CNGB3: variants seen among roughly 807,000 people sequenced by gnomAD.
The protein encoded by CNGB3 is cyclic nucleotide-gated channel beta-3.
A neutral mutation model predicts 92.8 loss-of-function variants in CNGB3; 86 were observed. The observed-to-expected ratio is 0.93, with a 90% CI of 0.78 to 1.11. CNGB3 has a LOEUF of 1.11. Ranked by LOEUF, CNGB3 falls within the 50% of genes least tolerant of loss-of-function variation. The pLI is 0.00. For synonymous variants in CNGB3, 333 were observed against 332.7 expected (o/e 1.00, Z -0.01); for missense variants, 1,026 against 956.8 (o/e 1.07, Z -0.95).
At chr8:86,690,185 T>A (rs1397294566) in intron 3 of CNGB3, among the ~76,000 whole-genome samples, 1 of 152,220 alleles carries the variant, frequency 6.6e-6, no homozygotes, top group African/African-American at 2.4e-5. Flanking sequence ...ACCAACAGTG[T>A]GAAAGTGTTC....
At chr8:86,674,769 G>A (rs1339957740) in intron 3 of CNGB3, among the ~76,000 whole-genome samples, 1 of 152,098 alleles carries the variant, frequency 6.6e-6, no homozygotes, top group African/African-American at 2.4e-5. Flanking sequence ...GTGTGTGTGT[G>A]TGAGATAGGG....
intron 3 of CNGB3, among the ~76,000 whole-genome samples, chr8:86,703,104 A>T (rs1240904859): frequency 6.6e-6 from 1 of 152,180 alleles, no homozygotes; most frequent in Non-Finnish European, 1.5e-5. Context: ...TTTTAAAAAT[A>T]ATCTGTTATT....
intron 2 of CNGB3, among the ~76,000 whole-genome samples, chr8:86,733,615 G>T (rs1355542988): frequency 6.6e-6 from 1 of 152,146 alleles, no homozygotes; most frequent in African/African-American, 2.4e-5. Flanking sequence ...AAGTTACAGG[G>T]AGTGGACTAC....
At chr8:86,695,008 T>C (rs191784881) in intron 3 of CNGB3, among the ~76,000 whole-genome samples, 111 of 152,246 alleles carry the variant, frequency 7.3e-4, no homozygotes, top group African/African-American at 2.6e-3. Context: ...CTGGGCATCA[T>C]TGAGCACTGA....
At chr8:86,599,903 T>C (rs1585960961) in intron 15 of CNGB3, among the ~76,000 whole-genome samples, 1 of 152,204 alleles carries the variant, frequency 6.6e-6, no homozygotes, top group East Asian at 1.9e-4. Flanking sequence ...GCATGTGATC[T>C]CTGTGACCCA....
chr8:86,629,006 A>G lies in CNGB3; in HGVS notation c.1393T>C (p.Tyr465His). ...FRACMDDTIA[Y>H]MNNYSIPKLV... The stretch of plus-strand genomic sequence containing the variant: ...TTAGGAATGGAGTAATTGTTCATGT[A>G]GGCAATGGTGTCATCCATGCAGGCG... The change falls in exon 12 of 18, where the codon TAC becomes CAC. Residue 465 changes from tyrosine (Y) to histidine (H), a missense_variant. Coordinates refer to ENST00000320005, the MANE Select transcript of CNGB3 (RefSeq NM_019098.5). The G allele has an allele frequency of 6.2e-7, 1 of 1,614,058 alleles. No individual in the cohort carries two copies. The highest frequency in any genetic ancestry group is 2.2e-5 in the East Asian group (1 of 44,868).
At position 86,645,208 on chromosome 8, in the gene CNGB3, A is replaced by G. The variant is rs147002283; in HGVS notation, c.991-522T>C. Among the ~76,000 whole-genome samples the G allele has an allele frequency of 5.6e-3, 847 of 151,452 alleles. 3 individuals carry two copies. The highest frequency in any genetic ancestry group is 0.014 in the Middle Eastern group (4 of 294). On this transcript the variant is annotated intron_variant, in intron 8 of 17. Transcript: ENST00000320005. ...CGTTCTTGACATTATTCAAAGATAC[A>G]AAGAGTTTATGTGCATCTGATACAA...
At position 86,619,881 on chromosome 8, in the gene CNGB3, C is replaced by CT. The variant is rs370835639; in HGVS notation, c.1578+6101dup. Among the ~76,000 whole-genome samples, 423 of 151,744 alleles carry CT rather than the reference C, an allele frequency of 2.8e-3. 2 individuals carry two copies. Among genetic ancestry groups the CT allele is most frequent in the African/African-American group, 9.8e-3 (407 of 41,360 alleles). On this transcript the variant is annotated intron_variant, in intron 13 of 17. Coordinates refer to ENST00000320005, the MANE Select transcript of CNGB3 (RefSeq NM_019098.5). The stretch of plus-strand genomic sequence containing the variant: ...CCTGAGTAGTAGGGACTACAGGCAC[C>CT]TGGCTAAATTTTCTATTATTTGTAA...
At chr8:86,644,206 G>T (rs1199361012) in intron 9 of CNGB3, among the ~76,000 whole-genome samples, 1 of 151,296 alleles carries the variant, frequency 6.6e-6, no homozygotes, top group Non-Finnish European at 1.5e-5. Flanking sequence ...AATTTAACTG[G>T]ATATCTCTGA....
intron 14 of CNGB3, among the ~76,000 whole-genome samples, chr8:86,609,841 AT>A (rs141374465): frequency 0.13 from 19,650 of 149,014 alleles, 1,761 homozygotes; most frequent in Non-Finnish European, 0.19. Flanking sequence ...TCCTGTCCAC[AT>A]TTTTTTTTTA....
At position 86,608,817 on chromosome 8, in the gene CNGB3, G is replaced by A. The variant is rs534575707; in HGVS notation, c.1662+2771C>T. Reference sequence around the variant, plus strand: ...CCACGTGACCTTACCTATCATTGGAGATGACTCACACTCTTTACCCTGCCC... The same window carrying A: ...CCACGTGACCTTACCTATCATTGGAAATGACTCACACTCTTTACCCTGCCC... On this transcript the variant is annotated intron_variant, in intron 14 of 17. Coordinates refer to ENST00000320005, the MANE Select transcript of CNGB3 (RefSeq NM_019098.5). 5.3e-5 allele frequency among the ~76,000 whole-genome samples: 8 copies of A among 152,262 alleles called. No homozygotes were observed. The East Asian group carries it at 1.5e-3, about 29-fold the overall frequency.
intron 10 of CNGB3, among the ~76,000 whole-genome samples, chr8:86,642,368 A>C: frequency 6.6e-6 from 1 of 151,790 alleles, no homozygotes; most frequent in East Asian, 1.9e-4. Context: ...TTCACATTCT[A>C]AAGGGAATTA....
chr8:86,643,022 C>T (rs911489771), intron 10 of CNGB3, among the ~76,000 whole-genome samples: 1 of 151,316 alleles, frequency 6.6e-6, no homozygotes. Context: ...CCTTACTGCT[C>T]AGTTGTCTAG....
At chr8:86,593,180 C>G (rs1299758241) in intron 15 of CNGB3, among the ~76,000 whole-genome samples, 1 of 152,160 alleles carries the variant, frequency 6.6e-6, no homozygotes, top group Non-Finnish European at 1.5e-5. Flanking sequence ...TTCCCCTTAG[C>G]AGGTCTTGAT....
Position 86,628,935 on chromosome 8 carries a change from G to A in CNGB3, c.1464C>T (p.Asp488=), listed in dbSNP as rs1469375860. ...CATGCTTACCTAGCATTCTTTGAGA[G>A]TCCCATGTATATTCATACCAAGTCC... ...RVRTWYEYTW[D]SQRMLDESDL... is the part of the protein sequence containing the mutation. The change falls in exon 12 of 18, where the codon GAC becomes GAT. Residue 488 remains aspartate, a synonymous_variant. Transcript: ENST00000320005. The A allele has an allele frequency of 4.3e-6, 7 of 1,613,856 alleles. No individual in the cohort carries two copies. The highest frequency in any genetic ancestry group is 5.9e-6 in the Non-Finnish European group (7 of 1,179,830).
At chr8:86,666,888 C>T (rs575362805) in intron 6 of CNGB3, 37 bp downstream of exon 6, 3 of 1,511,378 alleles carry the variant, frequency 2.0e-6, no homozygotes, top group East Asian at 4.5e-5. Flanking sequence ...AGATGTTATT[C>T]ACGTTTCAGT....
intron 7 of CNGB3, among the ~76,000 whole-genome samples, chr8:86,651,158 G>T (rs867233590): frequency 2.0e-5 from 3 of 151,410 alleles, no homozygotes; most frequent in Non-Finnish European, 3.0e-5. Context: ...AAGACCAGAA[G>T]GGGGGGTGTG....
chr8:86,706,425 G>A (rs1824653278), intron 3 of CNGB3, among the ~76,000 whole-genome samples: 1 of 152,236 alleles, frequency 6.6e-6, no homozygotes, highest in African/African-American at 2.4e-5. Flanking sequence ...AAAAGCATGT[G>A]AGTAAATGCA....
chr8:86,607,409 C>T (rs979689046), intron 14 of CNGB3, among the ~76,000 whole-genome samples: 3 of 152,052 alleles, frequency 2.0e-5, no homozygotes, highest in African/African-American at 4.8e-5. Context: ...AGTGAGGTAA[C>T]CCCTGGAGAT....
Sources: allele counts gnomAD v4.1 joint callset (sites outside exome capture counted in the v4.1 genomes callset), GRCh38; gene constraint gnomAD v4.1.1; transcripts MANE v1.5; gene names NCBI Gene and HGNC (gene_info 2026-07-23, HGNC 2026-07-21).